Variants in TEX36 observed in about 807,000 individuals in gnomAD.
The protein encoded by TEX36 is testis expressed 36, also known as testis-expressed protein 36.
A neutral mutation model predicts 13.6 loss-of-function variants in TEX36; 12 were observed. The ratio of observed to expected loss-of-function variants is 0.88; its 90% CI spans 0.56 to 1.43. TEX36 has a LOEUF of 1.43. Ranked by LOEUF, TEX36 falls within the 40% of genes most tolerant of loss-of-function variation. TEX36 has a pLI of 0.00. For missense variants in TEX36, 224 were observed against 228.3 expected, an observed-to-expected ratio of 0.98 and a Z score of 0.12; for synonymous variants, 93 against 83.0, an observed-to-expected ratio of 1.12 and a Z score of -0.65.
chr10:125,653,032 G>C (rs1201895629), downstream of TEX36, among the ~76,000 whole-genome samples: 1 of 152,324 alleles, frequency 6.6e-6, no homozygotes, highest in Middle Eastern at 3.4e-3. Flanking sequence ...CTTTTACACT[G>C]TTGGTGGGAC....
At chr10:125,584,783 C>T (rs1020929767) in intron 3 of TEX36, among the ~76,000 whole-genome samples, 18 of 152,214 alleles carry the variant, frequency 1.2e-4, no homozygotes, top group Admixed American at 3.3e-4. Context: ...CAGAAACCAA[C>T]TGTGACTTCC....
intron 3 of TEX36, among the ~76,000 whole-genome samples, chr10:125,594,306 A>T (rs2133535872): frequency 6.6e-6 from 1 of 152,378 alleles, no homozygotes; most frequent in East Asian, 1.9e-4. Context: ...TAAATGTCCC[A>T]GCTAAGTGAA....
At chr10:125,621,671 G>C (rs370044474) in intron 3 of TEX36, 212 of 455,976 alleles carry the variant, frequency 4.6e-4, no homozygotes, top group African/African-American at 4.0e-3. Flanking sequence ...GCCAGCAGTA[G>C]CTCAGTTCAA....
At chr10:125,646,626 A>G (rs748368889) in intron 3 of TEX36, among the ~76,000 whole-genome samples, 4 of 152,254 alleles carry the variant, frequency 2.6e-5, no homozygotes, top group Non-Finnish European at 5.9e-5. Context: ...GAGTTGGTAA[A>G]CAGAGCAAAG....
intron 3 of TEX36, among the ~76,000 whole-genome samples, chr10:125,607,665 C>T (rs935331546): frequency 6.6e-5 from 10 of 151,938 alleles, no homozygotes; most frequent in African/African-American, 2.4e-4. Flanking sequence ...TGTGACTCCC[C>T]GACTAGCTGG....
chr10:125,603,810 C>G (rs993441041), intron 3 of TEX36, among the ~76,000 whole-genome samples: 4 of 152,158 alleles, frequency 2.6e-5, no homozygotes, highest in Non-Finnish European at 1.5e-5. Flanking sequence ...GATACACCCC[C>G]CTCCACCGGA....
At chr10:125,623,047 C>G (rs1846447046) in intron 3 of TEX36, among the ~76,000 whole-genome samples, 1 of 152,160 alleles carries the variant, frequency 6.6e-6, no homozygotes, top group African/African-American at 2.4e-5. Flanking sequence ...CCACTTTCAT[C>G]CCTTGATTCC....
intron 3 of TEX36, among the ~76,000 whole-genome samples, chr10:125,610,639 T>A (rs1202895940): frequency 6.6e-6 from 1 of 152,134 alleles, no homozygotes; most frequent in Non-Finnish European, 1.5e-5. Context: ...ATTTTGGGGA[T>A]CTATCTTTTC....
intron 3 of TEX36, among the ~76,000 whole-genome samples, chr10:125,585,277 T>A (rs1466655430): frequency 6.6e-6 from 1 of 152,114 alleles, no homozygotes; most frequent in East Asian, 1.9e-4. Context: ...GGAGAGGATG[T>A]ACCTGCCCAA....
intron 1 of TEX36, among the ~76,000 whole-genome samples, chr10:125,674,601 T>G (rs890037506): frequency 2.6e-5 from 4 of 152,226 alleles, no homozygotes; most frequent in Non-Finnish European, 5.9e-5. Flanking sequence ...TTGGATGGAA[T>G]TTTTACAGGG....
intron 3 of TEX36, among the ~76,000 whole-genome samples, chr10:125,585,757 A>G (rs1245424378): frequency 6.6e-6 from 1 of 152,216 alleles, no homozygotes; most frequent in Non-Finnish European, 1.5e-5. Flanking sequence ...CACTTCTTTC[A>G]TCAGACTTCG....
intron 3 of TEX36, among the ~76,000 whole-genome samples, chr10:125,614,462 G>A (rs1031577564): frequency 3.4e-4 from 51 of 150,552 alleles, no homozygotes; most frequent in African/African-American, 1.1e-3. Context: ...TTTTGTATAA[G>A]GTGTAAGGAA....
At chr10:125,654,821 A>G (rs1276580284), downstream of TEX36, among the ~76,000 whole-genome samples, 2 of 152,178 alleles carry the variant, frequency 1.3e-5, no homozygotes, top group African/African-American at 4.8e-5. Context: ...GGTTGGTAGG[A>G]GTTCAATTGG....
At chr10:125,658,368 A>C (rs1170965311) in intron 3 of TEX36, among the ~76,000 whole-genome samples, 2 of 152,194 alleles carry the variant, frequency 1.3e-5, no homozygotes, top group African/African-American at 4.8e-5. Flanking sequence ...CCATGAAAAT[A>C]AAACAACAAA....
At chr10:125,650,552 T>C (rs1846836145) in intron 3 of TEX36, among the ~76,000 whole-genome samples, 1 of 151,974 alleles carries the variant, frequency 6.6e-6, no homozygotes, top group Non-Finnish European at 1.5e-5. Context: ...GCAGGAAAGA[T>C]CTAAAATCGA....
chr10:125,631,230 C>T (rs1190321539), intron 3 of TEX36, among the ~76,000 whole-genome samples: 1 of 152,194 alleles, frequency 6.6e-6, no homozygotes, highest in Non-Finnish European at 1.5e-5. Context: ...TGACTGCTGC[C>T]TATAATTATC....
chr10:125,623,027 G>A (rs1434092533), intron 3 of TEX36, among the ~76,000 whole-genome samples: 1 of 152,128 alleles, frequency 6.6e-6, no homozygotes, highest in South Asian at 2.1e-4. Context: ...GATGGTGAGT[G>A]GTGCCACTTC....
intron 3 of TEX36, chr10:125,621,664 A>T (rs1185890366): frequency 2.2e-6 from 1 of 455,922 alleles, no homozygotes; most frequent in Non-Finnish European, 4.4e-6. Context: ...GAGAAAAGCC[A>T]GCAGTAGCTC....
intron 3 of TEX36, among the ~76,000 whole-genome samples, chr10:125,644,459 C>G (rs1469858754): frequency 6.6e-6 from 1 of 151,978 alleles, no homozygotes; most frequent in African/African-American, 2.4e-5. Flanking sequence ...AAGTGAAATA[C>G]CCTACCTAAT....
Sources: gnomAD v4.1 joint callset for allele counts (sites outside exome capture counted in the v4.1 genomes callset) on GRCh38, gnomAD v4.1.1 for gene constraint, MANE v1.5 for transcripts, NCBI Gene and HGNC (gene_info 2026-07-23, HGNC 2026-07-21) for gene names.